SERPINE2: variants seen among roughly 807,000 people sequenced by gnomAD.
SERPINE2 encodes the protein serpin family E member 2, also known as glia-derived nexin.
In SERPINE2, 14 loss-of-function variants were observed where a neutral mutation model predicts 36.3. The ratio of observed to expected loss-of-function variants is 0.39; its 90% CI spans 0.25 to 0.60. The LOEUF (loss-of-function observed/expected upper bound fraction) is 0.60. Among genes scored for constraint, SERPINE2 ranks in the 20% least tolerant of loss-of-function variants. SERPINE2 has a pLI of 0.57. For missense variants in SERPINE2, 418 were observed against 499.6 expected, an observed-to-expected ratio of 0.84 and a Z score of 1.56; for synonymous variants, 192 against 191.8, an observed-to-expected ratio of 1.00 and a Z score of -0.01.
intron 1 of SERPINE2, among the ~76,000 whole-genome samples, chr2:224,022,487 T>C (rs1485562440): frequency 6.6e-6 from 1 of 152,172 alleles, no homozygotes; most frequent in Non-Finnish European, 1.5e-5. Context: ...TAGGAAATAA[T>C]GAAAGGACTC....
chr2:224,004,076 C>A (rs6742903), intron 1 of SERPINE2, among the ~76,000 whole-genome samples: 1 of 152,140 alleles, frequency 6.6e-6, no homozygotes, highest in African/African-American at 2.4e-5. Flanking sequence ...GAGATTAATC[C>A]GATGGCTCAT....
intron 1 of SERPINE2, among the ~76,000 whole-genome samples, chr2:224,032,488 T>A (rs1213372129): frequency 6.6e-6 from 1 of 152,128 alleles, no homozygotes; most frequent in Admixed American, 6.6e-5. Context: ...GAGTTCACAC[T>A]AGGGGTTGGG....
At chr2:224,022,849 C>T (rs192629645) in intron 1 of SERPINE2, among the ~76,000 whole-genome samples, 2 of 152,306 alleles carry the variant, frequency 1.3e-5, no homozygotes, top group East Asian at 3.9e-4. Flanking sequence ...GTGATTGGAT[C>T]ATGGGGGCAG....
At chr2:223,996,715 A>G (rs1690902999) in intron 3 of SERPINE2, among the ~76,000 whole-genome samples, 1 of 152,210 alleles carries the variant, frequency 6.6e-6, no homozygotes, top group Non-Finnish European at 1.5e-5. Flanking sequence ...CATAGCCTGA[A>G]AGGCGACAGT....
chr2:224,036,575 A>T (rs1212598112), intron 1 of SERPINE2, among the ~76,000 whole-genome samples: 2 of 151,452 alleles, frequency 1.3e-5, no homozygotes, highest in Non-Finnish European at 2.9e-5. Context: ...TGGCACGTGT[A>T]TACCTATGTA....
intron 3 of SERPINE2, among the ~76,000 whole-genome samples, chr2:223,994,284 C>T (rs975935064): frequency 6.6e-6 from 1 of 152,204 alleles, no homozygotes; most frequent in Non-Finnish European, 1.5e-5. Flanking sequence ...ACAGGCAGTG[C>T]TCAATAACTG....
chr2:224,016,550 AT>A (rs1181147126), intron 1 of SERPINE2, among the ~76,000 whole-genome samples: 9 of 150,700 alleles, frequency 6.0e-5, no homozygotes, highest in Admixed American at 2.7e-4. Context: ...TTTATTATTT[AT>A]TTTTTTTTAA....
intron 1 of SERPINE2, among the ~76,000 whole-genome samples, chr2:224,024,473 G>A (rs1263082100): frequency 6.6e-6 from 1 of 152,112 alleles, no homozygotes; most frequent in African/African-American, 2.4e-5. Flanking sequence ...CCTTGTGAAG[G>A]GATTTAAGGG....
chr2:224,026,012 G>A (rs1285343931), intron 1 of SERPINE2, among the ~76,000 whole-genome samples: 2 of 152,208 alleles, frequency 1.3e-5, no homozygotes, highest in African/African-American at 2.4e-5. Flanking sequence ...CCATAAGGCT[G>A]AACTGTTCTT....
At position 223,998,283 on chromosome 2, in the gene SERPINE2, T is replaced by C. The variant is rs780561200; in HGVS notation, c.319A>G (p.Ile107Val). 2 of 1,614,238 alleles carry C rather than the reference T, an allele frequency of 1.2e-6. No homozygotes were observed. The highest frequency in any genetic ancestry group is 2.2e-5 in the South Asian group (2 of 91,084). ...AACACGGCGTTAGCCACTGTCACAA[T>C]GTCTTTATTCTTCTTGGAGACGATG... ...KAIVSKKNKD[I>V]VTVANAVFVK... Residue 107 changes from isoleucine (I) to valine (V), a missense_variant, in exon 3 of 9, where the codon ATT becomes GTT. Ile to Val is a conservative substitution (Grantham distance 29). Coordinates refer to ENST00000409304, the MANE Select transcript of SERPINE2 (RefSeq NM_001136528.2).
chr2:223,999,257 T>C (rs1468238722), intron 2 of SERPINE2, among the ~76,000 whole-genome samples: 2 of 152,196 alleles, frequency 1.3e-5, no homozygotes, highest in African/African-American at 4.8e-5. Flanking sequence ...ACATGAGCCA[T>C]TCATACATGC....
At chr2:223,993,454 A>ATG (rs1436031380) in intron 3 of SERPINE2, among the ~76,000 whole-genome samples, 1 of 148,470 alleles carries the variant, frequency 6.7e-6, no homozygotes, top group Non-Finnish European at 1.5e-5. Flanking sequence ...GTCTGTATGT[A>ATG]TGTGTGTTTT....
intron 4 of SERPINE2, among the ~76,000 whole-genome samples, chr2:223,988,280 G>GA (rs1184656568): frequency 6.6e-6 from 1 of 152,098 alleles, no homozygotes; most frequent in Non-Finnish European, 1.5e-5. Context: ...GTGAACCCCC[G>GA]ACCTCAGACT....
intron 1 of SERPINE2, among the ~76,000 whole-genome samples, chr2:224,024,195 CT>C (rs1296924511): frequency 2.0e-5 from 3 of 152,212 alleles, no homozygotes; most frequent in Non-Finnish European, 4.4e-5. Flanking sequence ...GGTTCCTGTG[CT>C]TTTATCTCCA....
intron 1 of SERPINE2, among the ~76,000 whole-genome samples, chr2:224,002,455 C>T (rs1691218369): frequency 6.6e-6 from 1 of 151,808 alleles, no homozygotes; most frequent in African/African-American, 2.4e-5. Context: ...TGTGCCAGGT[C>T]CTATACTAAT....
chr2:223,977,930 A>G (rs1483640537), intron 7 of SERPINE2: 2 of 243,380 alleles, frequency 8.2e-6, no homozygotes, highest in Non-Finnish European at 1.7e-5. Context: ...GACATAAGAT[A>G]TATTATAGCT....
intron 1 of SERPINE2, chr2:224,031,137 C>T: frequency 1.0e-6 from 1 of 985,392 alleles, no homozygotes; most frequent in Non-Finnish European, 1.2e-6. Context: ...CTTTGAATAT[C>T]CATGGTATCA....
chr2:223,988,492 C>T (rs1284716315), intron 4 of SERPINE2, among the ~76,000 whole-genome samples: 3 of 152,054 alleles, frequency 2.0e-5, no homozygotes, highest in African/African-American at 7.2e-5. Flanking sequence ...TTCATCTATG[C>T]AACTAGAATT....
rs181630681 is a variant in SERPINE2 at position 224,001,275 on chromosome 2, C to A, written c.259+367G>T. On this transcript the variant is annotated intron_variant, in intron 2 of 8. Transcript: ENST00000409304. ...GCCCTCCACAGCCACCCCTTCCCAG[C>A]TCCTCTCACAGGCTTCACAAGCACA... is the stretch of plus-strand genomic sequence containing the variant. Among the ~76,000 whole-genome samples, 13 of 152,340 alleles carry A rather than the reference C, an allele frequency of 8.5e-5. No homozygotes were observed. The East Asian group carries it at 2.5e-3, about 29-fold the overall frequency.
Sources: gnomAD v4.1 joint callset for allele counts (sites outside exome capture counted in the v4.1 genomes callset) on GRCh38, gnomAD v4.1.1 for gene constraint, MANE v1.5 for transcripts, NCBI Gene and HGNC (gene_info 2026-07-23, HGNC 2026-07-21) for gene names.